The following PPIL4 variants were observed in gnomAD, a reference collection of about 807,000 sequenced individuals.
PPIL4 encodes the protein peptidylprolyl isomerase like 4, also known as peptidyl-prolyl cis-trans isomerase-like 4.
Under a neutral mutation model 69.1 loss-of-function variants are expected in PPIL4, and 50 were observed. The observed-to-expected ratio is 0.72, with a 90% confidence interval of 0.58 to 0.92. The LOEUF is 0.92. PPIL4 is among the 40% of genes least tolerant of loss of function. The probability of loss-of-function intolerance (pLI) is 0.00; values close to 1 mark genes in which losing one functional copy is unlikely to be tolerated. For synonymous variants in PPIL4, 193 were observed against 191.6 expected (o/e 1.01, Z -0.06); for missense variants, 480 against 587.9 (o/e 0.82, Z 1.90).
intron 4 of PPIL4, 25 bp downstream of exon 4, chr6:149,540,915 ATC>A: frequency 7.3e-7 from 1 of 1,371,790 alleles, no homozygotes; most frequent in Non-Finnish European, 1.0e-6. Context: ...TTCTAAGCAA[ATC>A]TCATATTCTT....
intron 9 of PPIL4, among the ~76,000 whole-genome samples, chr6:149,524,571 A>G (rs1028338797): frequency 1.3e-5 from 2 of 152,200 alleles, no homozygotes; most frequent in African/African-American, 4.8e-5. Context: ...GGGAAAAATT[A>G]AGAGTCTCTG....
intron 4 of PPIL4, among the ~76,000 whole-genome samples, chr6:149,537,775 T>C (rs1777300177): frequency 6.6e-6 from 1 of 152,118 alleles, no homozygotes; most frequent in Non-Finnish European, 1.5e-5. Context: ...AAAGCTTGGA[T>C]GACAGCACAT....
At chr6:149,515,085 G>T (rs1022352614) in intron 11 of PPIL4, among the ~76,000 whole-genome samples, 1 of 151,586 alleles carries the variant, frequency 6.6e-6, no homozygotes, top group African/African-American at 2.4e-5. Context: ...TGATCTGCCC[G>T]CCTCGGCCTC....
At chr6:149,516,255 T>C (rs2115029760) in intron 11 of PPIL4, among the ~76,000 whole-genome samples, 1 of 152,344 alleles carries the variant, frequency 6.6e-6, no homozygotes, top group Middle Eastern at 3.4e-3. Context: ...AATGTTGATC[T>C]TTTCTGACCA....
chr6:149,540,258 T>C (rs1037809668), intron 4 of PPIL4, among the ~76,000 whole-genome samples: 1 of 152,152 alleles, frequency 6.6e-6, no homozygotes, highest in African/African-American at 2.4e-5. Flanking sequence ...AACAGGGTCA[T>C]TGGGAGAATT....
chr6:149,538,875 C>G lies in PPIL4; in HGVS notation c.321+2067G>C, dbSNP rs570570467. Among the ~76,000 whole-genome samples the G allele has an allele frequency of 2.2e-3, 332 of 151,600 alleles. 1 individual carries two copies. The highest frequency in any genetic ancestry group is 2.5e-3 in the Non-Finnish European group (168 of 67,912). ...CTTTTTTTTTTTTGTTTGAGACAGT[C>G]TTGCTGCATCGCCCAGGCTGGAGTG... is the stretch of plus-strand genomic sequence containing the variant. On this transcript the variant is annotated intron_variant, in intron 4 of 12. Coordinates refer to ENST00000253329, the MANE Select transcript of PPIL4 (RefSeq NM_139126.4).
intron 6 of PPIL4, among the ~76,000 whole-genome samples, chr6:149,534,358 GT>G (rs941828230): frequency 9.2e-5 from 14 of 152,298 alleles, no homozygotes; most frequent in Admixed American, 3.9e-4. Context: ...TGGCTCCAGA[GT>G]GTCCCCAGTT....
At chr6:149,545,376 T>A (rs541907708) in intron 1 of PPIL4, among the ~76,000 whole-genome samples, 1 of 152,266 alleles carries the variant, frequency 6.6e-6, no homozygotes, top group East Asian at 1.9e-4. Context: ...TTCCTGTGTC[T>A]ACTTCCCCCA....
chr6:149,536,659 C>T lies in PPIL4; in HGVS notation c.322-921G>A, dbSNP rs898254766. Among the ~76,000 whole-genome samples, 43 of 141,076 alleles carry T rather than the reference C, an allele frequency of 3.0e-4. 1 individual carries two copies. Among genetic ancestry groups the T allele is most frequent in the African/African-American group, 1.1e-3 (43 of 37,590 alleles). 92.6% of individuals were successfully genotyped at this position (141,076 alleles called of 152,430 possible). Reference sequence around the variant, plus strand: ...AAGGCTGAGAGAGGGAAGGTAGCTGCAAAAGAAAGTCTGAAGCTAGCAGAG... The same window carrying T: ...AAGGCTGAGAGAGGGAAGGTAGCTGTAAAAGAAAGTCTGAAGCTAGCAGAG... On this transcript the variant is annotated intron_variant, in intron 4 of 12. Transcript: ENST00000253329.
intron 7 of PPIL4, among the ~76,000 whole-genome samples, chr6:149,532,177 AAGAG>A (rs1406941938): frequency 4.6e-5 from 7 of 152,218 alleles, no homozygotes; most frequent in Non-Finnish European, 7.3e-5. Context: ...GAGAGAGAAA[AAGAG>A]AGAATCATAA....
At position 149,508,352 on chromosome 6, in the gene PPIL4, G is replaced by A. The variant is rs934021424; in HGVS notation, c.1228-2648C>T. ...TTAGATAAGGTCTAGGTCCTTTCCA[G>A]TATGAATTTTTAAAAGTTATATTAT... On this transcript the variant is annotated intron_variant, in intron 12 of 12. Coordinates refer to ENST00000253329, the MANE Select transcript of PPIL4 (RefSeq NM_139126.4). Among the ~76,000 whole-genome samples the A allele has an allele frequency of 2.6e-5, 4 of 152,030 alleles. 1 individual carries two copies. The South Asian group carries it at 8.3e-4, about 32-fold the overall frequency.
intron 11 of PPIL4, among the ~76,000 whole-genome samples, chr6:149,513,426 T>TATATATATATAC (rs1554215978): frequency 7.8e-6 from 1 of 128,194 alleles, no homozygotes; most frequent in African/African-American, 3.1e-5. Context: ...TATATATATA[T>TATATATATATAC]ATATATATAT....
Position 149,517,406 on chromosome 6 carries a change from G to A in PPIL4, c.1027C>T (p.Gln343Ter). ...AGAACCAAATTAGGTGGTTTATCCT[G>A]TTCTTTTTCATACTCCTTGAAATCA... ...KSDFKEYEKE[Q>*]DKPPNLVLKD... Residue 343 changes from glutamine (Q) to a stop codon, truncating the protein, a stop_gained, in exon 11 of 13, where the codon CAG (glutamine) becomes TAG (stop). Transcript: ENST00000253329. LOFTEE classifies it high-confidence loss of function. 1 of 1,606,632 alleles carries A rather than the reference G, an allele frequency of 6.2e-7. No homozygotes were observed. The highest frequency in any genetic ancestry group is 8.5e-7 in the Non-Finnish European group (1 of 1,175,056).
rs368683856 is a variant in PPIL4 at position 149,537,523 on chromosome 6, C to T, written c.322-1785G>A. On this transcript the variant is annotated intron_variant, in intron 4 of 12. Transcript: ENST00000253329. ...GAGATCAAGACCATCCTGGCTAACA[C>T]GGTGAAACCCCGTCTCTACTAAAAA... Among the ~76,000 whole-genome samples the T allele has an allele frequency of 1.7e-4, 26 of 151,990 alleles. No homozygotes were observed. The East Asian group carries it at 2.7e-3, about 16-fold the overall frequency.
chr6:149,529,390 CG>C (rs1318100447), intron 7 of PPIL4, among the ~76,000 whole-genome samples: 1 of 148,244 alleles, frequency 6.7e-6, no homozygotes, highest in Non-Finnish European at 1.5e-5. Flanking sequence ...CCCTGGAGGT[CG>C]GGGTGCAGTG....
In PPIL4 at chr6:149,513,565, T is replaced by C. The variant is rs574802235; in HGVS notation, c.1080-1263A>G. Among the ~76,000 whole-genome samples, 38 of 150,532 alleles carry C rather than the reference T, an allele frequency of 2.5e-4. No homozygotes were observed. The East Asian group carries it at 7.2e-3, about 28-fold the overall frequency. Reference sequence around the variant, plus strand: ...ACAAGATACAATATTATAAATGAAGTTATCAACAACGATAAATGCTACAGA... The same window carrying C: ...ACAAGATACAATATTATAAATGAAGCTATCAACAACGATAAATGCTACAGA... On this transcript the variant is annotated intron_variant, in intron 11 of 12. Coordinates refer to ENST00000253329, the MANE Select transcript of PPIL4 (RefSeq NM_139126.4).
chr6:149,541,402 A>G lies in PPIL4; in HGVS notation c.168T>C (p.Pro56=), dbSNP rs34870012. The G allele has an allele frequency of 6.4e-7, 1 of 1,559,972 alleles. No individual in the cohort carries two copies. The highest frequency in any genetic ancestry group is 8.7e-7 in the Non-Finnish European group (1 of 1,145,224). Residue 56 remains proline, a synonymous_variant, in exon 3 of 13, where the codon CCT becomes CCC. Transcript: ENST00000253329. ...ACTCTCCTCCACGGCCAGTCCCTGT[A>G]GGATCGCCAGTTTGTATGATAAAAT... ...QRDFIIQTGD[P]TGTGRGGESI... is the part of the protein sequence containing the mutation.
intron 1 of PPIL4, 21 bp downstream of exon 1, chr6:149,545,915 T>A (rs1777433747): frequency 6.4e-7 from 1 of 1,569,826 alleles, no homozygotes; most frequent in Admixed American, 1.8e-5. Context: ...CGGCGACAGG[T>A]GAGTGGGGCT....
intron 4 of PPIL4, among the ~76,000 whole-genome samples, chr6:149,538,480 A>G (rs1777312754): frequency 6.6e-6 from 1 of 152,208 alleles, no homozygotes; most frequent in Non-Finnish European, 1.5e-5. Flanking sequence ...AATTAAAAAA[A>G]AATACATTTT....
Sources: allele counts gnomAD v4.1 joint callset (sites outside exome capture counted in the v4.1 genomes callset), GRCh38; gene constraint gnomAD v4.1.1; transcripts MANE v1.5; gene names NCBI Gene and HGNC (gene_info 2026-07-23, HGNC 2026-07-21).